PPP2R2B: variants seen among roughly 807,000 people sequenced by gnomAD.
The protein encoded by PPP2R2B is protein phosphatase 2 regulatory subunit Bbeta.
In PPP2R2B, 5 loss-of-function variants were observed where a neutral mutation model predicts 46.0. The observed-to-expected ratio is 0.11, with a 90% CI of 0.06 to 0.23. The LOEUF (loss-of-function observed/expected upper bound fraction) is 0.23, where lower values mean the gene tolerates loss of function less well. PPP2R2B is among the 10% of genes least tolerant of loss of function. The probability of loss-of-function intolerance (pLI) is 1.00; values close to 1 mark genes in which losing one functional copy is unlikely to be tolerated. For synonymous variants in PPP2R2B, 215 were observed against 206.7 expected, an observed-to-expected ratio of 1.04 and a Z score of -0.34; for missense variants, 367 against 575.0, an observed-to-expected ratio of 0.64 and a Z score of 3.70.
At chr5:146,616,407 G>A (rs1357243220) in intron 7 of PPP2R2B, among the ~76,000 whole-genome samples, 1 of 152,114 alleles carries the variant, frequency 6.6e-6, no homozygotes, top group African/African-American at 2.4e-5. Flanking sequence ...AAACATTTCT[G>A]CACAGCAAAG....
At chr5:146,896,688 CT>C (rs142450432) in intron 1 of PPP2R2B, among the ~76,000 whole-genome samples, 58 of 147,738 alleles carry the variant, frequency 3.9e-4, no homozygotes, top group Middle Eastern at 7.1e-3. Context: ...TTCTTTCTTC[CT>C]TTTTTTTTTC....
intron 2 of PPP2R2B, among the ~76,000 whole-genome samples, chr5:146,844,792 C>A (rs928401564): frequency 2.6e-5 from 4 of 152,140 alleles, no homozygotes; most frequent in Admixed American, 2.6e-4. Flanking sequence ...CTTTCACTAC[C>A]TTATTCTATC....
intron 2 of PPP2R2B, among the ~76,000 whole-genome samples, chr5:147,065,795 A>C (rs1443910977): frequency 6.6e-6 from 1 of 152,130 alleles, no homozygotes; most frequent in Non-Finnish European, 1.5e-5. Flanking sequence ...GGGCTTTCGG[A>C]GGAAGAAACT....
chr5:146,915,276 T>C (rs917406460), intron 1 of PPP2R2B, among the ~76,000 whole-genome samples: 2 of 152,140 alleles, frequency 1.3e-5, no homozygotes, highest in African/African-American at 4.8e-5. Flanking sequence ...ATTCTTCTAC[T>C]TAAAATCCTC....
At position 146,878,644 on chromosome 5, in the gene PPP2R2B, G is replaced by C; in HGVS notation, c.-178C>G. The C allele has an allele frequency of 7.9e-7, 1 of 1,260,806 alleles. No individual in the cohort carries two copies. The highest frequency in any genetic ancestry group is 1.0e-6 in the Non-Finnish European group (1 of 974,204). The allele number at this position is 1,260,806 out of a possible 1,614,324, so 78.1% of individuals were successfully genotyped here. On this transcript the variant is annotated 5_prime_UTR_variant, in exon 1 of 10. Transcript: ENST00000394411. The surrounding 1 kb of genome is among the most constrained non-coding windows in gnomAD (Gnocchi z 4.5). Reference sequence around the variant, plus strand: ...GGGAGGGCGGCTCCGGCAGGCGGGGGTAGGGAAGCTGGCGGGGAGCTGGGC... The same window carrying C: ...GGGAGGGCGGCTCCGGCAGGCGGGGCTAGGGAAGCTGGCGGGGAGCTGGGC...
chr5:146,734,922 C>T (rs776647723), intron 2 of PPP2R2B, among the ~76,000 whole-genome samples: 7 of 152,066 alleles, frequency 4.6e-5, no homozygotes, highest in Non-Finnish European at 8.8e-5. Context: ...CTTTTATTAC[C>T]CGCCCCTTTC....
chr5:146,657,832 T>A (rs1447969907), intron 5 of PPP2R2B, among the ~76,000 whole-genome samples: 1 of 152,330 alleles, frequency 6.6e-6, no homozygotes, highest in East Asian at 1.9e-4. Context: ...ATCTCCTTGT[T>A]AGTGTTCAAC....
chr5:146,683,628 A>G (rs1286135964), intron 5 of PPP2R2B, among the ~76,000 whole-genome samples: 1 of 152,218 alleles, frequency 6.6e-6, no homozygotes, highest in African/African-American at 2.4e-5. Context: ...GAACTCAATT[A>G]TCATCATGTC....
rs1028770084 is a variant in PPP2R2B, at chr5:147,011,963, T to A, written c.79+43702A>T. On this transcript the variant is annotated intron_variant, in intron 1 of 8. Transcript: ENST00000336640. Reference sequence around the variant, plus strand: ...GTGGTGGATAAGCTTTTTGATGTGCTGCTGGATTCGGTTTGCCAGTATTTT... The same window carrying A: ...GTGGTGGATAAGCTTTTTGATGTGCAGCTGGATTCGGTTTGCCAGTATTTT... Among the ~76,000 whole-genome samples, 3 of 139,592 alleles carry A rather than the reference T, an allele frequency of 2.1e-5. No individual in the cohort carries two copies. In the Admixed American group the frequency reaches 2.2e-4, roughly 10 times the overall value. The allele number at this position is 139,592 out of a possible 152,430, so 91.6% of individuals were successfully genotyped here. A position where few individuals can be genotyped will look rare whatever the true frequency, so the allele number is the denominator to read the frequency against.
At chr5:146,675,325 C>T (rs1395906905) in intron 5 of PPP2R2B, among the ~76,000 whole-genome samples, 3 of 152,122 alleles carry the variant, frequency 2.0e-5, no homozygotes, top group Admixed American at 1.3e-4. Flanking sequence ...ACAACTTAAG[C>T]TTTTGAATCT....
intron 5 of PPP2R2B, among the ~76,000 whole-genome samples, chr5:146,657,696 A>G (rs985954029): frequency 2.0e-5 from 3 of 152,122 alleles, no homozygotes; most frequent in African/African-American, 7.2e-5. Flanking sequence ...GGACATTTGC[A>G]TGATACTTTT....
At chr5:146,957,734 T>C (rs375099914) in intron 1 of PPP2R2B, among the ~76,000 whole-genome samples, 1 of 152,220 alleles carries the variant, frequency 6.6e-6, no homozygotes. Context: ...AATAACGTTC[T>C]GACCTATGGT....
At chr5:146,629,612 T>C (rs1396421925) in intron 7 of PPP2R2B, among the ~76,000 whole-genome samples, 2 of 152,150 alleles carry the variant, frequency 1.3e-5, no homozygotes, top group African/African-American at 4.8e-5. Flanking sequence ...GTTTCCCATC[T>C]CACTTAGAGT....
chr5:146,683,617 G>A (rs1778309747), intron 5 of PPP2R2B, among the ~76,000 whole-genome samples: 1 of 152,096 alleles, frequency 6.6e-6, no homozygotes, highest in Non-Finnish European at 1.5e-5. Context: ...TGGCTGACAT[G>A]GAACTCAATT....
At chr5:146,672,512 G>C (rs928255541) in intron 5 of PPP2R2B, among the ~76,000 whole-genome samples, 51 of 152,022 alleles carry the variant, frequency 3.4e-4, no homozygotes, top group African/African-American at 1.1e-3. Context: ...ACATGGGGGT[G>C]GGGGGAATGC....
At chr5:146,705,210 A>C (rs1779763090) in intron 2 of PPP2R2B, among the ~76,000 whole-genome samples, 1 of 152,220 alleles carries the variant, frequency 6.6e-6, no homozygotes, top group Admixed American at 6.5e-5. Context: ...TAATATCATA[A>C]AGTCATTTAC....
intron 2 of PPP2R2B, among the ~76,000 whole-genome samples, chr5:146,725,136 C>T (rs1343046692): frequency 7.9e-5 from 12 of 152,276 alleles, no homozygotes; most frequent in Non-Finnish European, 1.3e-4. Context: ...GCCTTCCTTT[C>T]CTCACTTAGT....
chr5:146,925,381 C>T (rs1763749000), intron 1 of PPP2R2B, among the ~76,000 whole-genome samples: 2 of 152,006 alleles, frequency 1.3e-5, no homozygotes, highest in African/African-American at 2.4e-5. Flanking sequence ...CTTATTTTGC[C>T]CTCATTTTTG....
In PPP2R2B at chr5:146,761,751, A is replaced by T. The variant is rs192282674; in HGVS notation, c.71-60609T>A. Among the ~76,000 whole-genome samples the T allele has an allele frequency of 6.3e-3, 954 of 152,310 alleles. 14 individuals are homozygous for T. Among genetic ancestry groups the T allele is most frequent in the African/African-American group, 0.022 (900 of 41,570 alleles). On this transcript the variant is annotated intron_variant, in intron 2 of 9. Transcript: ENST00000394411. ...TAACCTCAGTTTTCTGATCAATAAG[A>T]TGGAAAATAATAATTACAGTATGAG...
Sources: gnomAD v4.1 joint callset for allele counts (sites outside exome capture counted in the v4.1 genomes callset) on GRCh38, gnomAD v4.1.1 for gene constraint, Gnocchi (gnomAD v3.1) non-coding constraint, MANE v1.5 for transcripts, NCBI Gene and HGNC (gene_info 2026-07-23, HGNC 2026-07-21) for gene names.